The following BTG4 variants were observed in gnomAD, a reference collection of about 807,000 sequenced individuals.
The protein encoded by BTG4 is BTG anti-proliferation factor 4.
A neutral mutation model predicts 19.3 loss-of-function variants in BTG4; 10 were observed. The ratio of observed to expected loss-of-function variants is 0.52; its 90% CI spans 0.32 to 0.88. The LOEUF is 0.88. Among genes scored for constraint, BTG4 ranks in the 40% least tolerant of loss-of-function variants. The pLI is 0.04. For missense variants in BTG4, 238 were observed against 281.9 expected (o/e 0.84, Z 1.11); for synonymous variants, 91 against 95.7 (o/e 0.95, Z 0.29).
chr11:111,443,065 T>C, the BTG4 span, among the ~76,000 whole-genome samples: 1 of 152,216 alleles, frequency 6.6e-6, no homozygotes, highest in Admixed American at 6.5e-5. Flanking sequence ...TGATACATCA[T>C]GTTGATTGCA....
At chr11:111,453,901 T>C in the BTG4 span, among the ~76,000 whole-genome samples, 14 of 152,346 alleles carry the variant, frequency 9.2e-5, no homozygotes, top group African/African-American at 2.9e-4. Flanking sequence ...ATTTATTGTA[T>C]GTCACACTGA....
At chr11:111,415,274 C>A in the BTG4 span, among the ~76,000 whole-genome samples, 2 of 152,218 alleles carry the variant, frequency 1.3e-5, no homozygotes, top group East Asian at 3.8e-4. Flanking sequence ...ATTTTGATCA[C>A]TTTTCCCTCC....
chr11:111,396,974 G>A, the BTG4 span: 1 of 152,228 alleles, frequency 6.6e-6, no homozygotes, highest in Non-Finnish European at 1.5e-5. Flanking sequence ...GCTAGGAACA[G>A]TGTCGAGAAC....
the BTG4 span, among the ~76,000 whole-genome samples, chr11:111,425,153 T>A: frequency 2.6e-5 from 4 of 152,156 alleles, no homozygotes; most frequent in African/African-American, 9.7e-5. Context: ...GGGGCATGCA[T>A]TCCAGGCAGA....
At chr11:111,400,081 C>T in the BTG4 span, among the ~76,000 whole-genome samples, 4 of 152,054 alleles carry the variant, frequency 2.6e-5, no homozygotes, top group African/African-American at 9.7e-5. Context: ...GGAGGTCAGA[C>T]AGGAATTTAC....
At chr11:111,503,335 T>G (rs887022161) in intron 1 of BTG4, among the ~76,000 whole-genome samples, 1 of 152,212 alleles carries the variant, frequency 6.6e-6, no homozygotes, top group Admixed American at 6.5e-5. Flanking sequence ...ACCCAAGTAG[T>G]AATGTCCACT....
chr11:111,446,835 G>C, the BTG4 span, among the ~76,000 whole-genome samples: 14 of 152,150 alleles, frequency 9.2e-5, no homozygotes, highest in African/African-American at 3.1e-4. Flanking sequence ...TGGCTTTGTG[G>C]GAGGAAGTCA....
the BTG4 span, among the ~76,000 whole-genome samples, chr11:111,410,900 T>A: frequency 6.6e-6 from 1 of 152,208 alleles, no homozygotes; most frequent in African/African-American, 2.4e-5. Context: ...TCCCTCCTTT[T>A]TTCATCCTCT....
chr11:111,385,460 T>C, the BTG4 span: 1 of 151,982 alleles, frequency 6.6e-6, no homozygotes, highest in Non-Finnish European at 1.5e-5. Flanking sequence ...AAGGTCAATA[T>C]AAGAAAAGAA....
chr11:111,424,047 G>A, the BTG4 span, among the ~76,000 whole-genome samples: 1 of 152,164 alleles, frequency 6.6e-6, no homozygotes, highest in Non-Finnish European at 1.5e-5. Context: ...AGCAAAATAG[G>A]TGAAGGGAAA....
At chr11:111,466,420 G>A (rs1863721759), downstream of BTG4, among the ~76,000 whole-genome samples, 1 of 152,186 alleles carries the variant, frequency 6.6e-6, no homozygotes, top group South Asian at 2.1e-4. Flanking sequence ...ACTGTTCTGA[G>A]TATATTACAT....
chr11:111,482,250 A>C (rs1275367155), intron 5 of BTG4, among the ~76,000 whole-genome samples: 1 of 152,142 alleles, frequency 6.6e-6, no homozygotes, highest in East Asian at 1.9e-4. Flanking sequence ...TGAAATTCTT[A>C]GATATAAATC....
At chr11:111,509,540 C>T (rs1218384214) in intron 1 of BTG4, among the ~76,000 whole-genome samples, 1 of 151,640 alleles carries the variant, frequency 6.6e-6, no homozygotes, top group Non-Finnish European at 1.5e-5. Flanking sequence ...ACTAAAAATA[C>T]AAAAAATTAG....
At chr11:111,402,428 A>T in the BTG4 span, among the ~76,000 whole-genome samples, 1 of 152,244 alleles carries the variant, frequency 6.6e-6, no homozygotes, top group Non-Finnish European at 1.5e-5. Flanking sequence ...AGATACATCT[A>T]CATAATGCAC....
At chr11:111,449,298 A>T in the BTG4 span, 1 of 151,946 alleles carries the variant, frequency 6.6e-6, no homozygotes, top group Non-Finnish European at 1.5e-5. Flanking sequence ...AACCAACATG[A>T]ACCAGCACTC....
At chr11:111,448,852 AC>A in the BTG4 span, among the ~76,000 whole-genome samples, 1 of 150,738 alleles carries the variant, frequency 6.6e-6, no homozygotes, top group African/African-American at 2.5e-5. Flanking sequence ...TAAATAACAA[AC>A]TTTTTTTTAG....
intron 5 of BTG4, among the ~76,000 whole-genome samples, chr11:111,471,630 C>T (rs545959506): frequency 2.0e-5 from 3 of 152,258 alleles, no homozygotes; most frequent in East Asian, 1.9e-4. Flanking sequence ...CCGTCCCCTT[C>T]TCCAGTCTAT....
the BTG4 span, among the ~76,000 whole-genome samples, chr11:111,413,035 C>A: frequency 6.6e-6 from 1 of 151,970 alleles, no homozygotes; most frequent in Non-Finnish European, 1.5e-5. Context: ...AAGGCAGAGT[C>A]GGAGAGAAGT....
chr11:111,456,556 C>T, the BTG4 span: 1 of 456,472 alleles, frequency 2.2e-6, no homozygotes, highest in Non-Finnish European at 4.4e-6. This position sits in a 1 kb window ranked among gnomAD's most constrained non-coding sequence, Gnocchi z 4.2. Flanking sequence ...CAGTGTGAAC[C>T]CCGTCACCAA....
Sources: gnomAD v4.1 joint callset for allele counts (sites outside exome capture counted in the v4.1 genomes callset) on GRCh38, gnomAD v4.1.1 for gene constraint, Gnocchi (gnomAD v3.1) non-coding constraint, MANE v1.5 for transcripts, NCBI Gene and HGNC (gene_info 2026-07-23, HGNC 2026-07-21) for gene names.